The following DPYSL2 variants were observed in gnomAD, a reference collection of about 807,000 sequenced individuals.
DPYSL2 encodes dihydropyrimidinase-related protein 2.
DPYSL2 carries 13 observed loss-of-function variants against 69.9 expected under a neutral mutation model. The observed-to-expected ratio is 0.19, with a 90% CI of 0.12 to 0.30. DPYSL2 has a LOEUF of 0.30. DPYSL2 is among the 10% of genes least tolerant of loss of function. DPYSL2 has a pLI of 1.00. For synonymous variants in DPYSL2, 326 were observed against 359.1 expected, an observed-to-expected ratio of 0.91 and a Z score of 1.04; for missense variants, 587 against 918.9, an observed-to-expected ratio of 0.64 and a Z score of 4.67.
intron 3 of DPYSL2, among the ~76,000 whole-genome samples, chr8:26,623,069 C>T (rs1368514614): frequency 6.6e-6 from 1 of 152,162 alleles, no homozygotes; most frequent in Non-Finnish European, 1.5e-5. Context: ...AGTAATAGTC[C>T]TGGTAATCCT....
At chr8:26,630,524 C>T (rs1011292114) in intron 7 of DPYSL2, among the ~76,000 whole-genome samples, 2 of 152,220 alleles carry the variant, frequency 1.3e-5, no homozygotes, top group Non-Finnish European at 2.9e-5. Context: ...TTAGTGCTCA[C>T]GTGTGCTGGA....
intron 1 of DPYSL2, among the ~76,000 whole-genome samples, chr8:26,549,833 T>C (rs1446226903): frequency 6.6e-6 from 1 of 152,110 alleles, no homozygotes; most frequent in Non-Finnish European, 1.5e-5. Flanking sequence ...CCTTTAAAAC[T>C]GAATGATAAA....
rs959875586 is a variant in DPYSL2, at chr8:26,597,432, C to G, written c.628+13449C>G. ...GAGGTTCATTAGGCTCAGCACCTCC[C>G]ATGTCTGCTTGGGAAACACCACGGG... On this transcript the variant is annotated intron_variant, in intron 3 of 13. Transcript: ENST00000521913. The surrounding 1 kb of genome is among the most constrained non-coding windows in gnomAD (Gnocchi z 5.2). 2.6e-5 allele frequency among the ~76,000 whole-genome samples: 4 copies of G among 152,186 alleles called. No individual in the cohort carries two copies. Among genetic ancestry groups the G allele is most frequent in the African/African-American group, 9.6e-5 (4 of 41,452 alleles).
chr8:26,653,684 A>G lies in DPYSL2; in HGVS notation c.1942+287A>G, dbSNP rs1257167775. Among the ~76,000 whole-genome samples the G allele has an allele frequency of 6.6e-6, 1 of 152,012 alleles. No homozygotes were observed. Among genetic ancestry groups the G allele is most frequent in the Non-Finnish European group, 1.5e-5 (1 of 68,002 alleles). On this transcript the variant is annotated intron_variant, in intron 13 of 13. Transcript: ENST00000521913. This position sits in a 1 kb window ranked among gnomAD's most constrained non-coding sequence, Gnocchi z 5.7. ...GTGATTCTCATGTCTCAGCCTCCCA[A>G]GTAGCTGGGATTACAGGCATGCACC...
At chr8:26,558,524 T>C (rs1048981436) in intron 1 of DPYSL2, among the ~76,000 whole-genome samples, 4 of 152,214 alleles carry the variant, frequency 2.6e-5, no homozygotes, top group Admixed American at 1.3e-4. Context: ...ATACATCTTA[T>C]TACCTTTTTA....
chr8:26,571,742 G>A lies in DPYSL2; in HGVS notation c.355-10227G>A, dbSNP rs1490945608. Among the ~76,000 whole-genome samples, 3 of 152,170 alleles carry A rather than the reference G, an allele frequency of 2.0e-5. No homozygotes were observed. Among genetic ancestry groups the A allele is most frequent in the Admixed American group, 6.5e-5 (1 of 15,280 alleles). On this transcript the variant is annotated intron_variant, in intron 1 of 13. Coordinates refer to ENST00000521913, the MANE Select transcript of DPYSL2 (RefSeq NM_001197293.3). This position sits in a 1 kb window ranked among gnomAD's most constrained non-coding sequence, Gnocchi z 6.1. The stretch of plus-strand genomic sequence containing the variant: ...GGCAGTCTGTACAGTTCTAGCCAAA[G>A]CAGCGTCTGTTTCGGAGGGCCAGTC...
intron 1 of DPYSL2, chr8:26,578,586 G>A (rs1309370979): frequency 2.3e-6 from 3 of 1,325,514 alleles, no homozygotes; most frequent in Non-Finnish European, 2.9e-6. Flanking sequence ...ATGCTGCAGC[G>A]TCGGCCCGCG....
intron 1 of DPYSL2, among the ~76,000 whole-genome samples, chr8:26,534,011 C>T (rs1448283272): frequency 6.6e-6 from 1 of 152,042 alleles, no homozygotes; most frequent in East Asian, 1.9e-4. Flanking sequence ...TTTGAAGGTC[C>T]AAGGAATGAA....
intron 3 of DPYSL2, 84 bp downstream of exon 3, chr8:26,584,067 A>G (rs1801545270): frequency 1.2e-5 from 17 of 1,420,746 alleles, no homozygotes; most frequent in Non-Finnish European, 1.6e-5. Flanking sequence ...CTCTCCTTCT[A>G]AAACTTGCTG....
At chr8:26,630,838 A>C (rs1246680505) in intron 7 of DPYSL2, among the ~76,000 whole-genome samples, 1 of 152,188 alleles carries the variant, frequency 6.6e-6, no homozygotes, top group African/African-American at 2.4e-5. Context: ...CGCAGTGTAC[A>C]CATACTCAGC....
At chr8:26,542,455 T>C (rs1800701419) in intron 1 of DPYSL2, among the ~76,000 whole-genome samples, 1 of 152,030 alleles carries the variant, frequency 6.6e-6, no homozygotes, top group African/African-American at 2.4e-5. Context: ...GCAGTCTTGC[T>C]CTGTTGCCCA....
At chr8:26,639,881 C>G (rs927623217) in intron 8 of DPYSL2, among the ~76,000 whole-genome samples, 2 of 152,162 alleles carry the variant, frequency 1.3e-5, no homozygotes, top group African/African-American at 4.8e-5. Context: ...TTTCAGAAAC[C>G]TCAGAACCCA....
At position 26,620,936 on chromosome 8, in the gene DPYSL2, A is replaced by C. The variant is rs1049735825; in HGVS notation, c.629-3207A>C. The stretch of plus-strand genomic sequence containing the variant: ...TGTACACACTTGCATCCACATCTAC[A>C]TACACATATTTTACATACACATATA... On this transcript the variant is annotated intron_variant, in intron 3 of 13. Transcript: ENST00000521913. This position sits in a 1 kb window ranked among gnomAD's most constrained non-coding sequence, Gnocchi z 4.5. Among the ~76,000 whole-genome samples the C allele has an allele frequency of 1.3e-5, 2 of 152,242 alleles. No homozygotes were observed. The highest frequency in any genetic ancestry group is 2.4e-5 in the African/African-American group (1 of 41,460).
chr8:26,629,759 A>G (rs183301780), intron 7 of DPYSL2, among the ~76,000 whole-genome samples: 1 of 151,680 alleles, frequency 6.6e-6, no homozygotes, highest in African/African-American at 2.4e-5. Flanking sequence ...ATTTTATTTT[A>G]TTTTTTTTCC....
intron 1 of DPYSL2, among the ~76,000 whole-genome samples, chr8:26,553,129 C>T (rs1800895345): frequency 6.6e-6 from 1 of 152,170 alleles, no homozygotes; most frequent in African/African-American, 2.4e-5. Flanking sequence ...TCGGAATAGA[C>T]CTATTGCTAT....
At chr8:26,601,526 C>T (rs183357783) in intron 3 of DPYSL2, among the ~76,000 whole-genome samples, 3 of 152,238 alleles carry the variant, frequency 2.0e-5, no homozygotes, top group South Asian at 2.1e-4. Flanking sequence ...TACAGGTGCC[C>T]GCCAACATGC....
rs1238828100 is a variant in DPYSL2, at chr8:26,598,052, TG to T, written c.628+14071del. ...GGTTTTCTGAATCGTCAGATGCACC[TG>T]GATCAGCATGTCTTGCATAATAGGG... On this transcript the variant is annotated intron_variant, in intron 3 of 13. Coordinates refer to ENST00000521913, the MANE Select transcript of DPYSL2 (RefSeq NM_001197293.3). The surrounding 1 kb of genome is among the most constrained non-coding windows in gnomAD (Gnocchi z 4.2). Among the ~76,000 whole-genome samples, 2 of 152,196 alleles carry T rather than the reference TG, an allele frequency of 1.3e-5. No individual in the cohort carries two copies. The highest frequency in any genetic ancestry group is 4.8e-5 in the African/African-American group (2 of 41,450).
chr8:26,586,340 TGAA>T lies in DPYSL2; in HGVS notation c.628+2358_628+2360del, dbSNP rs1319876481. 6.6e-6 allele frequency among the ~76,000 whole-genome samples: 1 copy of T among 152,134 alleles called. No individual in the cohort carries two copies. Among genetic ancestry groups the T allele is most frequent in the Non-Finnish European group, 1.5e-5 (1 of 68,022 alleles). On this transcript the variant is annotated intron_variant, in intron 3 of 13. Transcript: ENST00000521913. The surrounding 1 kb of genome is among the most constrained non-coding windows in gnomAD (Gnocchi z 4.7). ...CAGCCCCCTACATTTGGCCATTCACTGAAACTCATTCACTGAAACTCAGAGAGA... is the reference window on the plus strand; with the variant it reads ...CAGCCCCCTACATTTGGCCATTCACTACTCATTCACTGAAACTCAGAGAGA...
rs1803067373 is a variant in DPYSL2, at chr8:26,642,257, A to G, written c.1127-1182A>G. On this transcript the variant is annotated intron_variant, in intron 8 of 13. Transcript: ENST00000521913. The surrounding 1 kb of genome is among the most constrained non-coding windows in gnomAD (Gnocchi z 5.3). ...ATCAGGTGGAAAGTCAAAAATTCAG[A>G]ACTGGGCAATGACTGGAGGGGAGGA... Among the ~76,000 whole-genome samples, 1 of 152,222 alleles carries G rather than the reference A, an allele frequency of 6.6e-6. No individual in the cohort carries two copies. Among genetic ancestry groups the G allele is most frequent in the African/African-American group, 2.4e-5 (1 of 41,458 alleles).
Sources: allele counts gnomAD v4.1 joint callset (sites outside exome capture counted in the v4.1 genomes callset), GRCh38; gene constraint gnomAD v4.1.1; non-coding constraint Gnocchi (gnomAD v3.1); transcripts MANE v1.5; gene names NCBI Gene and HGNC (gene_info 2026-07-23, HGNC 2026-07-21).